Variants in ZNF782 observed in about 807,000 individuals in gnomAD.
ZNF782 encodes the protein zinc finger protein 782.
ZNF782 carries 12 observed loss-of-function variants against 13.0 expected under a neutral mutation model. The observed-to-expected ratio is 0.92, with a 90% CI of 0.59 to 1.50. The LOEUF (loss-of-function observed/expected upper bound fraction) is 1.50. Ranked by LOEUF, ZNF782 falls within the 40% of genes most tolerant of loss-of-function variation. The pLI is 0.00. For missense variants in ZNF782, 770 were observed against 822.9 expected (o/e 0.94, Z 0.79); for synonymous variants, 284 against 283.0 (o/e 1.00, Z -0.04).
chr9:96,916,505 A>T, the ZNF782 span, among the ~76,000 whole-genome samples: 1 of 151,910 alleles, frequency 6.6e-6, no homozygotes, highest in Non-Finnish European at 1.5e-5. Flanking sequence ...AAAAAAAAAG[A>T]AGTTCTTTCT....
At position 96,817,917 on chromosome 9, in the gene ZNF782, A is replaced by C. The variant is rs73654606; in HGVS notation, c.*6T>G. ...GAGTTTTTTCGTATTCTTTATATGC[A>C]TACATTTAATCCCCTGGGTGGGCTT... On this transcript the variant is annotated 3_prime_UTR_variant, in exon 6 of 6. Transcript: ENST00000481138. 6.5e-7 allele frequency: 1 copy of C among 1,540,632 alleles called. No individual in the cohort carries two copies. The highest frequency in any genetic ancestry group is 1.4e-5 in the African/African-American group (1 of 71,858).
intron 4 of ZNF782, among the ~76,000 whole-genome samples, chr9:96,833,030 T>C (rs1169902521): frequency 1.3e-5 from 2 of 152,190 alleles, no homozygotes; most frequent in East Asian, 3.8e-4. Flanking sequence ...TCATTTCTAT[T>C]GTTCTGTCAT....
At chr9:96,869,750 T>A (rs1226957507) in intron 1 of ZNF782, among the ~76,000 whole-genome samples, 2 of 152,244 alleles carry the variant, frequency 1.3e-5, no homozygotes, top group Non-Finnish European at 2.9e-5. Context: ...TTTTCTACCA[T>A]AATTAATGTC....
upstream of ZNF782, among the ~76,000 whole-genome samples, chr9:96,879,636 T>C (rs1851938666): frequency 6.6e-6 from 1 of 152,198 alleles, no homozygotes; most frequent in African/African-American, 2.4e-5. Context: ...CCAGGGTTGA[T>C]GTGAGGGGAA....
chr9:96,903,324 G>A, the ZNF782 span, among the ~76,000 whole-genome samples: 1 of 151,846 alleles, frequency 6.6e-6, no homozygotes, highest in East Asian at 1.9e-4. Flanking sequence ...TTTGAGACGG[G>A]CTTCTTTCAC....
intron 4 of ZNF782, among the ~76,000 whole-genome samples, chr9:96,830,388 A>G (rs1415756522): frequency 6.6e-6 from 1 of 152,106 alleles, no homozygotes; most frequent in Admixed American, 6.5e-5. Context: ...CCCCAGTGTC[A>G]GTAGAAGCCC....
At chr9:96,924,943 C>T in the ZNF782 span, among the ~76,000 whole-genome samples, 1 of 152,262 alleles carries the variant, frequency 6.6e-6, no homozygotes, top group Non-Finnish European at 1.5e-5. Context: ...CAGGCCCTCT[C>T]TGGCCACAAG....
the ZNF782 span, among the ~76,000 whole-genome samples, chr9:96,921,880 G>C: frequency 1.3e-5 from 2 of 151,072 alleles, no homozygotes; most frequent in African/African-American, 2.4e-5. Flanking sequence ...TTTTAGTAGA[G>C]ACGGGGTTTC....
At chr9:96,876,618 A>C (rs909877624), upstream of ZNF782, among the ~76,000 whole-genome samples, 1 of 152,208 alleles carries the variant, frequency 6.6e-6, no homozygotes, top group African/African-American at 2.4e-5. Flanking sequence ...CATTACTATA[A>C]AAGAATAGTA....
chr9:96,916,376 A>G, the ZNF782 span, among the ~76,000 whole-genome samples: 2 of 151,958 alleles, frequency 1.3e-5, no homozygotes, highest in Non-Finnish European at 1.5e-5. Flanking sequence ...TGTAGTCCCA[A>G]CTACTCAGGA....
intron 1 of ZNF782, among the ~76,000 whole-genome samples, chr9:96,872,581 A>G (rs1851840814): frequency 6.6e-6 from 1 of 152,168 alleles, no homozygotes; most frequent in Non-Finnish European, 1.5e-5. Context: ...CTATTCACAT[A>G]GTGTTACATC....
At chr9:96,848,197 C>G (rs1476988825) in intron 3 of ZNF782, among the ~76,000 whole-genome samples, 1 of 152,140 alleles carries the variant, frequency 6.6e-6, no homozygotes, top group South Asian at 2.1e-4. Flanking sequence ...GACAAGCCCA[C>G]AGCCAACACC....
At chr9:96,886,034 G>C in the ZNF782 span, among the ~76,000 whole-genome samples, 1 of 151,984 alleles carries the variant, frequency 6.6e-6, no homozygotes, top group South Asian at 2.1e-4. Context: ...TTTTTGTAGG[G>C]ACAGGGTCTC....
Position 96,851,972 on chromosome 9 carries a change from T to A in ZNF782, c.-11A>T, listed in dbSNP as rs1187632194. 6.2e-7 allele frequency: 1 copy of A among 1,613,864 alleles called. No individual in the cohort carries two copies. Among genetic ancestry groups the A allele is most frequent in the Non-Finnish European group, 8.5e-7 (1 of 1,179,852 alleles). ...CTGAAATGTGTTCATTTTCTGTGGC[T>A]CTTGGGAGAGTATAGAGAACTGTAA... On this transcript the variant is annotated 5_prime_UTR_variant, in exon 3 of 6. Transcript: ENST00000481138.
intron 3 of ZNF782, among the ~76,000 whole-genome samples, chr9:96,860,073 C>T (rs1008141803): frequency 6.6e-6 from 1 of 151,970 alleles, no homozygotes; most frequent in African/African-American, 2.4e-5. Context: ...AGGGATTTGC[C>T]GGGTGGATTC....
chr9:96,819,361 C>G lies in ZNF782; in HGVS notation c.662G>C (p.Arg221Thr), dbSNP rs760827936. 1.9e-6 allele frequency: 3 copies of G among 1,601,310 alleles called. No homozygotes were observed. Among genetic ancestry groups the G allele is most frequent in the Non-Finnish European group, 1.7e-6 (2 of 1,175,372 alleles). ...GGCAGCCTTTTCAAGAAAAGCTTTTCTACTTTCATTATATTCAAAATCTTG... is the reference window on the plus strand; with the variant it reads ...GGCAGCCTTTTCAAGAAAAGCTTTTGTACTTTCATTATATTCAAAATCTTG... ...LGQDFEYNES[R>T]KAFLEKAALV... is the part of the protein sequence containing the mutation. Residue 221 changes from arginine to threonine, a missense_variant, in exon 6 of 6, where the codon AGA (arginine) becomes ACA (threonine). By Grantham distance (71) the Arg-to-Thr change is moderately conservative. Coordinates refer to ENST00000481138, the MANE Select transcript of ZNF782 (RefSeq NM_001001662.3).
intron 4 of ZNF782, among the ~76,000 whole-genome samples, chr9:96,839,277 C>A (rs1376591967): frequency 1.0e-5 from 1 of 100,248 alleles, no homozygotes; most frequent in Non-Finnish European, 2.3e-5. Context: ...TTACTTGGGA[C>A]TTTTTTTTTT....
the ZNF782 span, among the ~76,000 whole-genome samples, chr9:96,883,445 C>T: frequency 6.6e-6 from 1 of 152,026 alleles, no homozygotes; most frequent in Non-Finnish European, 1.5e-5. Flanking sequence ...GGGACCTACA[C>T]TGAAGAGAGA....
intron 3 of ZNF782, 58 bp downstream of exon 3, chr9:96,851,881 CAAGGGCCT>C: frequency 2.8e-6 from 4 of 1,432,940 alleles, no homozygotes; most frequent in Non-Finnish European, 3.9e-6. Context: ...CCATTTAATG[CAAGGGCCT>C]ATCTAAACCT....
Sources: gnomAD v4.1 joint callset for allele counts (sites outside exome capture counted in the v4.1 genomes callset) on GRCh38, gnomAD v4.1.1 for gene constraint, MANE v1.5 for transcripts, NCBI Gene and HGNC (gene_info 2026-07-23, HGNC 2026-07-21) for gene names.